Variants in TFAP2A observed in about 807,000 individuals in gnomAD.
TFAP2A encodes transcription factor AP-2-alpha.
TFAP2A carries 7 observed loss-of-function variants against 41.5 expected under a neutral mutation model. That is an observed-to-expected ratio of 0.17 (90% CI 0.10 to 0.32). The LOEUF (loss-of-function observed/expected upper bound fraction) is 0.32. Among genes scored for constraint, TFAP2A ranks in the 10% least tolerant of loss-of-function variants. The probability of loss-of-function intolerance (pLI) is 1.00; values close to 1 mark genes in which losing one functional copy is unlikely to be tolerated. For missense variants in TFAP2A, 416 were observed against 563.3 expected (o/e 0.74, Z 2.65); for synonymous variants, 247 against 242.8 (o/e 1.02, Z -0.16).
chr6:10,415,196 G>A, upstream of TFAP2A: 1 of 1,490,934 alleles, frequency 6.7e-7, no homozygotes, highest in Non-Finnish European at 8.9e-7. Context: ...AGGAGGGCGA[G>A]GAGAAGGGCG....
chr6:10,408,110 A>G (rs1346722532), intron 2 of TFAP2A, among the ~76,000 whole-genome samples: 1 of 152,258 alleles, frequency 6.6e-6, no homozygotes, highest in Non-Finnish European at 1.5e-5. Flanking sequence ...GATATTAATG[A>G]TTAAATAATT....
intron 3 of TFAP2A, chr6:10,405,832 G>C (rs1031559075): frequency 1.3e-5 from 2 of 152,186 alleles, no homozygotes; most frequent in Admixed American, 6.5e-5. Flanking sequence ...GACATTAATA[G>C]CTCTGGGGAG....
At chr6:10,415,160 G>A (rs866359598), upstream of TFAP2A, 27 of 1,518,184 alleles carry the variant, frequency 1.8e-5, no homozygotes, top group Middle Eastern at 1.9e-3. Flanking sequence ...AGGAGGAGGA[G>A]GAGGAAGAGG....
intron 3 of TFAP2A, 48 bp from the exon 4 acceptor site, chr6:10,404,787 C>A: frequency 6.5e-7 from 1 of 1,548,034 alleles, no homozygotes; most frequent in Non-Finnish European, 8.9e-7. Context: ...TGGATCACCC[C>A]CAAATCCTGC....
chr6:10,406,687 C>A, intron 3 of TFAP2A, 106 bp downstream of exon 3: 1 of 989,464 alleles, frequency 1.0e-6, no homozygotes, highest in Middle Eastern at 2.1e-4. Flanking sequence ...TAATTCTGAG[C>A]CTTTAGGAAA....
At chr6:10,400,348 CA>C in intron 6 of TFAP2A, 99 bp downstream of exon 6, 2 of 1,482,464 alleles carry the variant, frequency 1.3e-6, no homozygotes, top group African/African-American at 2.8e-5. Context: ...AGCTGATTAA[CA>C]CAAAAGGAAA....
At chr6:10,406,397 T>TCATCTGTTCTTAC (rs1392487377) in intron 3 of TFAP2A, 3 of 216,316 alleles carry the variant, frequency 1.4e-5, no homozygotes, top group Non-Finnish European at 2.8e-5. Flanking sequence ...GTGCTTCTTA[T>TCATCTGTTCTTAC]CATCTGTTCT....
At chr6:10,403,481 C>T (rs950675770) in intron 4 of TFAP2A, among the ~76,000 whole-genome samples, 4 of 152,128 alleles carry the variant, frequency 2.6e-5, no homozygotes, top group Admixed American at 1.3e-4. Context: ...GATGTTAAAC[C>T]CTTCCAAAAA....
intron 1 of TFAP2A, chr6:10,411,946 C>G (rs1436753005): frequency 1.8e-6 from 2 of 1,129,660 alleles, no homozygotes; most frequent in Non-Finnish European, 2.2e-6. Context: ...TAATCCGTGT[C>G]TCCCCCTCTT....
At position 10,401,758 on chromosome 6, in the gene TFAP2A, C is replaced by T. The variant is rs555526036; in HGVS notation, c.889+734G>A. Reference sequence around the variant, plus strand: ...ATAGATTCATTCCAGTACACCAAAACCTAGGCCAATCTTGTATCAGAAAAA... The same window carrying T: ...ATAGATTCATTCCAGTACACCAAAATCTAGGCCAATCTTGTATCAGAAAAA... On this transcript the variant is annotated intron_variant, in intron 5 of 6. Coordinates refer to ENST00000379613, the MANE Select transcript of TFAP2A (RefSeq NM_001372066.1). Among the ~76,000 whole-genome samples, 12 of 152,210 alleles carry T rather than the reference C, an allele frequency of 7.9e-5. No individual in the cohort carries two copies. In the South Asian group the frequency reaches 1.2e-3, roughly 16 times the overall value.
intron 3 of TFAP2A, chr6:10,406,557 A>T: frequency 1.8e-6 from 1 of 565,812 alleles, no homozygotes; most frequent in Non-Finnish European, 3.2e-6. Flanking sequence ...GTTTGTCCAA[A>T]TATCATTAAA....
chr6:10,398,838 C>T lies in TFAP2A; in HGVS notation c.1032-133G>A. The T allele has an allele frequency of 1.0e-6, 1 of 1,002,136 alleles. No individual in the cohort carries two copies. The highest frequency in any genetic ancestry group is 1.4e-6 in the Non-Finnish European group (1 of 690,946). 62.1% of individuals were successfully genotyped at this position (1,002,136 alleles called of 1,614,324 possible). On this transcript the variant is annotated intron_variant, in intron 6 of 6. Transcript: ENST00000379613. This position sits in a 1 kb window ranked among gnomAD's most constrained non-coding sequence, Gnocchi z 5.3. ...CGGTACCTGACATGACCCAAGACCC[C>T]AGAGACAGACAGTGTGGCCACATGT...
In TFAP2A at chr6:10,398,722, G is replaced by C; in HGVS notation, c.1032-17C>G. 6.2e-7 allele frequency: 1 copy of C among 1,613,698 alleles called. No homozygotes were observed. The highest frequency in any genetic ancestry group is 8.5e-7 in the Non-Finnish European group (1 of 1,179,816). ...CATATCTGTCTGCAGCACAAGTGGA[G>C]CAGAGAGAGAGACATAAGGCTCCAC... On this transcript the variant is annotated splice_polypyrimidine_tract_variant and intron_variant, in intron 6 of 6. Transcript: ENST00000379613. This position sits in a 1 kb window ranked among gnomAD's most constrained non-coding sequence, Gnocchi z 5.3.
chr6:10,409,286 C>G (rs777869321), intron 2 of TFAP2A: 2 of 152,260 alleles, frequency 1.3e-5, no homozygotes, highest in African/African-American at 2.4e-5. Flanking sequence ...GCGTTGGGAA[C>G]CTAGCTAATG....
In TFAP2A at chr6:10,410,225, G is replaced by A; in HGVS notation, c.162C>T (p.Asp54=). ...GTGGGGGGAAGTATGGGGGCTGGAA[G>A]TCGGCATTGGGGGTGTGGGACAGCG... ...APPLSHTPNA[D]FQPPYFPPPY... Residue 54 remains aspartate, a synonymous_variant, in exon 2 of 7, where the codon GAC becomes GAT. Coordinates refer to ENST00000379613, the MANE Select transcript of TFAP2A (RefSeq NM_001372066.1). The A allele has an allele frequency of 1.3e-6, 1 of 797,024 alleles. No homozygotes were observed. The highest frequency in any genetic ancestry group is 1.3e-5 in the South Asian group (1 of 75,176). The allele number at this position is 797,024 out of a possible 1,614,324, so 49.4% of individuals were successfully genotyped here.
chr6:10,412,204 C>T (rs1444915940), intron 1 of TFAP2A: 3 of 986,646 alleles, frequency 3.0e-6, no homozygotes, highest in East Asian at 1.1e-4. Context: ...AAAAAGCGAG[C>T]GAGAGAGGGA....
chr6:10,409,406 A>G (rs1382989291), intron 2 of TFAP2A: 3 of 179,084 alleles, frequency 1.7e-5, no homozygotes, highest in South Asian at 1.2e-4. Flanking sequence ...GGGTGTACAC[A>G]TAACTTTTAG....
chr6:10,410,696 T>TC (rs1202994162), intron 1 of TFAP2A, among the ~76,000 whole-genome samples: 2 of 152,182 alleles, frequency 1.3e-5, no homozygotes, highest in South Asian at 2.1e-4. Flanking sequence ...CCTTTTCTTT[T>TC]CCCCCGATTT....
chr6:10,412,227 G>A, intron 1 of TFAP2A: 1 of 987,494 alleles, frequency 1.0e-6, no homozygotes, highest in African/African-American at 1.7e-5. Flanking sequence ...GGGCGAGCGC[G>A]CGGGGGGCCG....
Sources: allele counts gnomAD v4.1 joint callset (sites outside exome capture counted in the v4.1 genomes callset), GRCh38; gene constraint gnomAD v4.1.1; non-coding constraint Gnocchi (gnomAD v3.1); transcripts MANE v1.5; gene names NCBI Gene and HGNC (gene_info 2026-07-23, HGNC 2026-07-21).